The following NSD1 variants were observed in gnomAD, a reference collection of about 807,000 sequenced individuals.
The protein encoded by NSD1 is nuclear receptor binding SET domain protein 1.
NSD1 carries 26 observed loss-of-function variants against 242.7 expected under a neutral mutation model. That is an observed-to-expected ratio of 0.11 (90% CI 0.08 to 0.15). The LOEUF (loss-of-function observed/expected upper bound fraction) is 0.15. Among genes scored for constraint, NSD1 ranks in the 10% least tolerant of loss-of-function variants. The probability of loss-of-function intolerance (pLI) is 1.00; values close to 1 mark genes in which losing one functional copy is unlikely to be tolerated. For synonymous variants in NSD1, 1,106 were observed against 1,178.1 expected (o/e 0.94, Z 1.25); for missense variants, 2,495 against 3,272.8 (o/e 0.76, Z 5.80).
At chr5:177,213,674 G>T (rs1460001088) in intron 5 of NSD1, among the ~76,000 whole-genome samples, 1 of 152,050 alleles carries the variant, frequency 6.6e-6, no homozygotes, top group Non-Finnish European at 1.5e-5. Flanking sequence ...GTTTCACTGT[G>T]TTAGCCAGGA....
chr5:177,198,750 G>A (rs773831842), intron 3 of NSD1, among the ~76,000 whole-genome samples: 11 of 151,912 alleles, frequency 7.2e-5, no homozygotes, highest in Admixed American at 3.9e-4. Context: ...TTAAATTGTC[G>A]TCAGTAAGCT....
intron 12 of NSD1, among the ~76,000 whole-genome samples, chr5:177,253,567 A>G (rs1756178334): frequency 6.6e-6 from 1 of 152,148 alleles, no homozygotes; most frequent in Non-Finnish European, 1.5e-5. Flanking sequence ...TTATAAATAA[A>G]GCTGCTGAGA....
chr5:177,198,468 C>T (rs1335075851), intron 3 of NSD1, among the ~76,000 whole-genome samples: 2 of 152,294 alleles, frequency 1.3e-5, no homozygotes, highest in East Asian at 3.9e-4. Context: ...AAAGTACTCA[C>T]TGTGGCATCT....
At chr5:177,228,418 T>C (rs2149874618) in intron 5 of NSD1, among the ~76,000 whole-genome samples, 1 of 152,194 alleles carries the variant, frequency 6.6e-6, no homozygotes, top group Admixed American at 6.5e-5. Flanking sequence ...GATTTTGCCA[T>C]GTTGGCTAGG....
At chr5:177,136,737 G>A in intron 2 of NSD1, 2 of 522,980 alleles carry the variant, frequency 3.8e-6, no homozygotes, top group Non-Finnish European at 3.4e-6. Flanking sequence ...GGGATTACTG[G>A]TACCCATCAC....
chr5:177,141,002 G>A (rs1756763542), intron 2 of NSD1, among the ~76,000 whole-genome samples: 1 of 151,942 alleles, frequency 6.6e-6, no homozygotes, highest in Admixed American at 6.6e-5. Flanking sequence ...ATTCCCTCCT[G>A]GCTGGGTGAC....
At chr5:177,172,185 CTT>C (rs1759768668) in intron 2 of NSD1, among the ~76,000 whole-genome samples, 2 of 152,308 alleles carry the variant, frequency 1.3e-5, no homozygotes, top group East Asian at 1.9e-4. Flanking sequence ...ACTATAAACA[CTT>C]TTGACTGTGG....
In NSD1 at chr5:177,196,990, G is replaced by A. The variant is rs115860054; in HGVS notation, c.1063+4971G>A. On this transcript the variant is annotated intron_variant, in intron 3 of 22. Transcript: ENST00000439151. ...CATTTATAAATTGGGCATTGTGGCT[G>A]GTTGTGGTGGCTCACGCCTGCAATC... Among the ~76,000 whole-genome samples the A allele has an allele frequency of 2.1e-3, 320 of 152,322 alleles. 2 individuals are homozygous for A. The highest frequency in any genetic ancestry group is 7.4e-3 in the African/African-American group (309 of 41,594).
intron 5 of NSD1, among the ~76,000 whole-genome samples, chr5:177,231,605 G>A (rs1014310658): frequency 1.5e-4 from 23 of 151,972 alleles, no homozygotes; most frequent in Non-Finnish European, 3.1e-4. Flanking sequence ...ATTTTTAGTA[G>A]AGACGGGGTT....
intron 22 of NSD1, among the ~76,000 whole-genome samples, chr5:177,292,428 G>A (rs561715954): frequency 6.6e-6 from 1 of 152,308 alleles, no homozygotes; most frequent in East Asian, 1.9e-4. Context: ...CATAATGGTT[G>A]GTTTTCTTCC....
At chr5:177,185,811 TTA>T (rs1182889606) in intron 2 of NSD1, among the ~76,000 whole-genome samples, 1,643 of 74,016 alleles carry the variant, frequency 0.022, 27 homozygotes, top group South Asian at 0.027. Context: ...ATATATAAAT[TTA>T]TATATATAAT....
intron 2 of NSD1, 93 bp downstream of exon 2, chr5:177,136,123 C>A: frequency 3.6e-6 from 4 of 1,115,088 alleles, no homozygotes; most frequent in Non-Finnish European, 5.3e-6. Flanking sequence ...TTTTTGGTTG[C>A]TTATCAGTTC....
chr5:177,158,378 G>A (rs1298194188), intron 2 of NSD1, among the ~76,000 whole-genome samples: 1 of 147,414 alleles, frequency 6.8e-6, no homozygotes, highest in African/African-American at 2.5e-5. Context: ...TCCCTCTGTA[G>A]CCCAGGCTGG....
rs1310132503 is a variant in NSD1, at chr5:177,134,884, G to A, written c.-17-203G>A. On this transcript the variant is annotated intron_variant, in intron 1 of 22. Coordinates refer to ENST00000439151, the MANE Select transcript of NSD1 (RefSeq NM_022455.5). The surrounding 1 kb of genome is among the most constrained non-coding windows in gnomAD (Gnocchi z 4.2). The stretch of plus-strand genomic sequence containing the variant: ...AGAGACGGGCTGTTTCTATGTAGCA[G>A]GATCGGCCCAGCTTCGGGAAAATGG... Among the ~76,000 whole-genome samples the A allele has an allele frequency of 6.6e-6, 1 of 152,188 alleles. No individual in the cohort carries two copies. The highest frequency in any genetic ancestry group is 2.4e-5 in the African/African-American group (1 of 41,448).
At chr5:177,247,258 C>T (rs1414995973) in intron 10 of NSD1, among the ~76,000 whole-genome samples, 1 of 152,138 alleles carries the variant, frequency 6.6e-6, no homozygotes, top group Non-Finnish European at 1.5e-5. Flanking sequence ...GGTGAAACCT[C>T]ATCTCTACTA....
intron 14 of NSD1, among the ~76,000 whole-genome samples, chr5:177,264,505 T>C (rs1757258033): frequency 6.6e-6 from 1 of 152,210 alleles, no homozygotes; most frequent in South Asian, 2.1e-4. Flanking sequence ...AAATAACATA[T>C]TGCAACATAA....
intron 18 of NSD1, 54 bp downstream of exon 18, chr5:177,280,888 T>G: frequency 1.3e-6 from 2 of 1,561,654 alleles, no homozygotes; most frequent in Non-Finnish European, 1.8e-6. Context: ...TTGCTTGATA[T>G]CATTGATCCT....
chr5:177,153,018 A>G (rs1057291277), intron 2 of NSD1, among the ~76,000 whole-genome samples: 10 of 151,832 alleles, frequency 6.6e-5, no homozygotes, highest in African/African-American at 2.4e-4. Flanking sequence ...TTCCTTTTAA[A>G]TTATGTTTTT....
chr5:177,248,589 G>C (rs1581434834), intron 11 of NSD1, among the ~76,000 whole-genome samples: 2 of 152,286 alleles, frequency 1.3e-5, no homozygotes, highest in East Asian at 3.9e-4. Context: ...TGGAATATGT[G>C]AATCTCTGGT....
Sources: gnomAD v4.1 joint callset for allele counts (sites outside exome capture counted in the v4.1 genomes callset) on GRCh38, gnomAD v4.1.1 for gene constraint, Gnocchi (gnomAD v3.1) non-coding constraint, MANE v1.5 for transcripts, NCBI Gene and HGNC (gene_info 2026-07-23, HGNC 2026-07-21) for gene names.